The following EPB41L2 variants were observed in gnomAD, a reference collection of about 807,000 sequenced individuals.
EPB41L2 encodes erythrocyte membrane protein band 4.1 like 2, also known as band 4.1-like protein 2.
In EPB41L2, 43 loss-of-function variants were observed where a neutral mutation model predicts 113.0. That is an observed-to-expected ratio of 0.38 (90% CI 0.30 to 0.49). The LOEUF (loss-of-function observed/expected upper bound fraction) is 0.49. Ranked by LOEUF, EPB41L2 falls within the 20% of genes least tolerant of loss-of-function variation. The pLI is 0.95. For synonymous variants in EPB41L2, 442 were observed against 436.7 expected (o/e 1.01, Z -0.15); for missense variants, 1,147 against 1,223.4 (o/e 0.94, Z 0.93).
At position 130,906,182 on chromosome 6, in the gene EPB41L2, T is replaced by C. The variant is rs181351742; in HGVS notation, c.854-1642A>G. 1.7e-3 allele frequency among the ~76,000 whole-genome samples: 259 copies of C among 152,322 alleles called. 2 individuals carry two copies. Among genetic ancestry groups the C allele is most frequent in the African/African-American group, 5.8e-3 (243 of 41,574 alleles). ...CACAGGATTATCATTTCTTAATGGC[T>C]CCTTGTTTGTTTTCTAGGTAATAAC... On this transcript the variant is annotated intron_variant, in intron 5 of 19. Coordinates refer to ENST00000337057, the MANE Select transcript of EPB41L2 (RefSeq NM_001431.4).
intron 4 of EPB41L2, among the ~76,000 whole-genome samples, chr6:130,917,333 T>G (rs932162639): frequency 6.6e-6 from 1 of 151,824 alleles, no homozygotes; most frequent in African/African-American, 2.4e-5. Flanking sequence ...GTTTTAGACT[T>G]CTGTGTCCAT....
chr6:130,907,627 A>G (rs9388867), intron 5 of EPB41L2, among the ~76,000 whole-genome samples: 117,520 of 151,914 alleles, frequency 0.77, 46,061 homozygotes, highest in East Asian at 1. Context: ...AGTCTACAGG[A>G]AGAGGAAATG....
At chr6:131,026,209 A>C (rs1177126862) in intron 1 of EPB41L2, among the ~76,000 whole-genome samples, 2 of 152,244 alleles carry the variant, frequency 1.3e-5, no homozygotes, top group Non-Finnish European at 2.9e-5. Context: ...CACCTAGCCC[A>C]GGAACAAACA....
intron 1 of EPB41L2, among the ~76,000 whole-genome samples, chr6:131,045,794 C>A (rs1795328168): frequency 6.6e-6 from 1 of 152,006 alleles, no homozygotes; most frequent in Non-Finnish European, 1.5e-5. Flanking sequence ...AAATCACTGG[C>A]AAAAATATCT....
intron 1 of EPB41L2, among the ~76,000 whole-genome samples, chr6:131,005,478 CCCA>C (rs1180031932): frequency 6.6e-6 from 1 of 152,118 alleles, no homozygotes; most frequent in African/African-American, 2.4e-5. Flanking sequence ...CATGCTTTTC[CCCA>C]CCACTCTAGA....
At chr6:130,938,081 C>T (rs755529962) in intron 3 of EPB41L2, among the ~76,000 whole-genome samples, 37 of 152,240 alleles carry the variant, frequency 2.4e-4, no homozygotes, top group African/African-American at 6.7e-4. Context: ...ATCACTTAAA[C>T]GCTTACTTTA....
At chr6:130,905,672 A>T (rs1797525371) in intron 5 of EPB41L2, among the ~76,000 whole-genome samples, 1 of 152,274 alleles carries the variant, frequency 6.6e-6, no homozygotes, top group East Asian at 1.9e-4. Context: ...TCCCGGCCTC[A>T]GCCTCTCAAA....
intron 1 of EPB41L2, among the ~76,000 whole-genome samples, chr6:130,986,316 A>G (rs1780544692): frequency 6.6e-6 from 1 of 152,216 alleles, no homozygotes; most frequent in Non-Finnish European, 1.5e-5. Flanking sequence ...TCTCCAAGGA[A>G]GATATACAAA....
rs376962561 is a variant in EPB41L2, at chr6:130,895,027, C to T, written c.1329G>A (p.Pro443=). ...DRLRINRFAW[P]KILKISYKRS... ...GTTTATAGGAAATTTTTAAGATTTT[C>T]GGCCAAGCAAAACGATTGATTCGCA... The change falls in exon 9 of 20, where the codon CCG becomes CCA. Residue 443 remains proline (P), a synonymous_variant. Transcript: ENST00000337057. 24 of 1,613,772 alleles carry T rather than the reference C, an allele frequency of 1.5e-5. 1 individual carries two copies. The highest frequency in any genetic ancestry group is 6.6e-5 in the South Asian group (6 of 91,074).
rs368152825 is a variant in EPB41L2, at chr6:130,954,032, T to TTTTCTTTC, written c.705+1065_705+1072dup. ...ATTTTTAATCCTCTTTTGCTAGTCCTTTTCTTTCTTTTTTTTTTTTTTTTT... is the reference window on the plus strand; with the variant it reads ...ATTTTTAATCCTCTTTTGCTAGTCCTTTTCTTTCTTTCTTTCTTTTTTTTTTTTTTTTT... On this transcript the variant is annotated intron_variant, in intron 3 of 19. Coordinates refer to ENST00000337057, the MANE Select transcript of EPB41L2 (RefSeq NM_001431.4). Among the ~76,000 whole-genome samples, 346 of 96,546 alleles carry TTTTCTTTC rather than the reference T, an allele frequency of 3.6e-3. 5 individuals are homozygous for TTTTCTTTC. Among genetic ancestry groups the TTTTCTTTC allele is most frequent in the African/African-American group, 6.5e-3 (168 of 25,712 alleles). 63.3% of individuals were successfully genotyped at this position (96,546 alleles called of 152,430 possible).
chr6:131,008,863 C>T (rs1053062159), intron 1 of EPB41L2, among the ~76,000 whole-genome samples: 1 of 152,226 alleles, frequency 6.6e-6, no homozygotes, highest in African/African-American at 2.4e-5. Context: ...TACCCAATGC[C>T]TGTACCCCCA....
chr6:130,946,265 G>A (rs1431424826), intron 3 of EPB41L2, among the ~76,000 whole-genome samples: 1 of 152,056 alleles, frequency 6.6e-6, no homozygotes, highest in Admixed American at 6.6e-5. Flanking sequence ...TAAACCTATT[G>A]TTACATAAGC....
intron 1 of EPB41L2, chr6:131,000,639 G>C (rs1374501924): frequency 6.6e-6 from 1 of 152,168 alleles, no homozygotes; most frequent in Non-Finnish European, 1.5e-5. Flanking sequence ...TAATAAATTC[G>C]CTGGGTAAAC....
chr6:131,031,258 AAAGT>A (rs1176340325), intron 1 of EPB41L2, among the ~76,000 whole-genome samples: 1 of 152,240 alleles, frequency 6.6e-6, no homozygotes, highest in Non-Finnish European at 1.5e-5. Flanking sequence ...AATGGTTAGA[AAAGT>A]AAGCAAACAA....
At chr6:131,017,295 G>A (rs570217492) in intron 1 of EPB41L2, among the ~76,000 whole-genome samples, 70 of 152,264 alleles carry the variant, frequency 4.6e-4, no homozygotes, top group Non-Finnish European at 8.4e-4. Context: ...AAACCTTGTT[G>A]GGAATAAAAC....
chr6:130,969,318 CAAT>C (rs575895064), intron 1 of EPB41L2, among the ~76,000 whole-genome samples: 3 of 152,174 alleles, frequency 2.0e-5, no homozygotes, highest in South Asian at 4.1e-4. Flanking sequence ...ACAGTGTCAA[CAAT>C]AAAAAAGGAA....
At chr6:130,958,387 G>A (rs1410455208) in intron 1 of EPB41L2, among the ~76,000 whole-genome samples, 1 of 151,288 alleles carries the variant, frequency 6.6e-6, no homozygotes. Flanking sequence ...AGGAGGCAGA[G>A]GTTGCAGTGA....
intron 4 of EPB41L2, among the ~76,000 whole-genome samples, chr6:130,918,796 G>C (rs79680172): frequency 6.9e-4 from 105 of 152,210 alleles, no homozygotes; most frequent in African/African-American, 2.4e-3. Flanking sequence ...CATAAGTACA[G>C]ATAATATTCG....
chr6:130,988,167 A>G (rs780779758), intron 1 of EPB41L2, among the ~76,000 whole-genome samples: 7 of 152,210 alleles, frequency 4.6e-5, no homozygotes, highest in Non-Finnish European at 8.8e-5. Flanking sequence ...TCAAAATAAC[A>G]AATAAAGAAT....
Sources: allele counts gnomAD v4.1 joint callset (sites outside exome capture counted in the v4.1 genomes callset), GRCh38; gene constraint gnomAD v4.1.1; transcripts MANE v1.5; gene names NCBI Gene and HGNC (gene_info 2026-07-23, HGNC 2026-07-21).